The following SLIT3 variants were observed in gnomAD, a reference collection of about 807,000 sequenced individuals.
SLIT3 encodes the protein slit guidance ligand 3, also known as slit homolog 3 protein.
In SLIT3, 68 loss-of-function variants were observed where a neutral mutation model predicts 184.0. The observed-to-expected ratio is 0.37, with a 90% confidence interval of 0.30 to 0.45. The LOEUF (loss-of-function observed/expected upper bound fraction) is 0.45. Among genes scored for constraint, SLIT3 ranks in the 20% least tolerant of loss-of-function variants. The probability of loss-of-function intolerance (pLI) is 1.00; values close to 1 mark genes in which losing one functional copy is unlikely to be tolerated. For missense variants in SLIT3, 1,707 were observed against 2,026.0 expected (o/e 0.84, Z 3.02); for synonymous variants, 831 against 828.6 (o/e 1.00, Z -0.05).
At chr5:169,054,349 G>A (rs1240868355) in intron 4 of SLIT3, among the ~76,000 whole-genome samples, 2 of 152,064 alleles carry the variant, frequency 1.3e-5, no homozygotes, top group African/African-American at 4.8e-5. Context: ...CTTCCCTAGA[G>A]GCTTTGGAGA....
At chr5:168,982,030 A>G (rs528548949) in intron 4 of SLIT3, among the ~76,000 whole-genome samples, 7 of 152,244 alleles carry the variant, frequency 4.6e-5, no homozygotes, top group Non-Finnish European at 1.0e-4. Context: ...TATATATGAT[A>G]TTAACCACCA....
chr5:168,935,883 A>G (rs1211791033), intron 4 of SLIT3, among the ~76,000 whole-genome samples: 15 of 152,240 alleles, frequency 9.9e-5, no homozygotes, highest in Admixed American at 9.8e-4. Context: ...TTGTTTAAAG[A>G]ATATTCTTTC....
chr5:169,206,848 A>C (rs990436070), intron 3 of SLIT3, among the ~76,000 whole-genome samples: 13 of 152,222 alleles, frequency 8.5e-5, no homozygotes, highest in Non-Finnish European at 1.5e-4. Flanking sequence ...ATAACTAATT[A>C]GAATTTTTAT....
chr5:168,717,907 G>A (rs1010805531), intron 23 of SLIT3, among the ~76,000 whole-genome samples: 1 of 152,168 alleles, frequency 6.6e-6, no homozygotes, highest in Non-Finnish European at 1.5e-5. Context: ...TGATCCACCC[G>A]CCTCGGCCTC....
chr5:168,696,215 CCCTGGAGGAAGTT>C, intron 28 of SLIT3, 64 bp downstream of exon 28: 1 of 1,538,794 alleles, frequency 6.5e-7, no homozygotes, highest in Non-Finnish European at 9.0e-7. Context: ...GGAAGAGAGT[CCCTGGAGGAAGTT>C]AAGAAAATGG....
At chr5:169,115,839 C>T (rs1760642244) in intron 4 of SLIT3, among the ~76,000 whole-genome samples, 1 of 152,234 alleles carries the variant, frequency 6.6e-6, no homozygotes, top group South Asian at 2.1e-4. Context: ...CCGATCCTCA[C>T]ACTTGAGCCG....
intron 17 of SLIT3, among the ~76,000 whole-genome samples, chr5:168,753,385 A>T (rs1341491285): frequency 6.6e-6 from 1 of 152,222 alleles, no homozygotes; most frequent in Non-Finnish European, 1.5e-5. Context: ...GTGTGCACAC[A>T]TATTTCTGGG....
intron 21 of SLIT3, 104 bp from the exon 22 acceptor site, chr5:168,723,108 C>T: frequency 4.1e-6 from 3 of 737,126 alleles, no homozygotes; most frequent in Non-Finnish European, 7.4e-6. Flanking sequence ...CTCATCTACC[C>T]ATCCACCCAT....
At chr5:168,839,545 G>A (rs1020458271) in intron 6 of SLIT3, among the ~76,000 whole-genome samples, 7 of 152,172 alleles carry the variant, frequency 4.6e-5, no homozygotes, top group African/African-American at 1.7e-4. Flanking sequence ...ATTTTTAAAT[G>A]TGAAATGCTA....
intron 23 of SLIT3, chr5:168,712,700 A>G (rs567997579): frequency 1.3e-4 from 30 of 230,702 alleles, no homozygotes; most frequent in African/African-American, 6.7e-4. Context: ...AAGAGACCCA[A>G]GGGAGTTACT....
rs767741877 is a variant in SLIT3 at position 168,749,599 on chromosome 5, G to T, written c.2010C>A (p.His670Gln). The change falls in exon 19 of 36, where the codon CAC becomes CAA. Residue 670 changes from histidine to glutamine, a missense_variant. Physicochemically the swap from His to Gln is conservative, Grantham distance 24. Coordinates refer to ENST00000519560, the MANE Select transcript of SLIT3 (RefSeq NM_003062.4). ...TCAACCACTTGCCGAGCCAGGCCAG[G>T]TGGCAGTTGCAGTTGAAGGGGTTGG... is the stretch of plus-strand genomic sequence containing the variant. ...LLSNPFNCNC[H>Q]LAWLGKWLRK... is the part of the protein sequence containing the mutation. The T allele has an allele frequency of 6.2e-7, 1 of 1,614,220 alleles. No homozygotes were observed. Among genetic ancestry groups the T allele is most frequent in the South Asian group, 1.1e-5 (1 of 91,090 alleles).
In SLIT3 at chr5:168,757,853, T is replaced by C. The variant is rs148745039; in HGVS notation, c.1685+3009A>G. Among the ~76,000 whole-genome samples, 543 of 152,330 alleles carry C rather than the reference T, an allele frequency of 3.6e-3. 3 individuals are homozygous for C. The highest frequency in any genetic ancestry group is 0.012 in the African/African-American group (505 of 41,580). On this transcript the variant is annotated intron_variant, in intron 16 of 35. Coordinates refer to ENST00000519560, the MANE Select transcript of SLIT3 (RefSeq NM_003062.4). ...AGCCATGTCTTTCATCTTTATTTCC[T>C]CATATTTCTGATCCACATCATAACT... is the stretch of plus-strand genomic sequence containing the variant.
intron 3 of SLIT3, among the ~76,000 whole-genome samples, chr5:169,215,219 A>ACGTAACT (rs1764396465): frequency 1.3e-5 from 2 of 152,012 alleles, no homozygotes; most frequent in Non-Finnish European, 2.9e-5. Flanking sequence ...TAGTTCTTGA[A>ACGTAACT]CGTAACTCGC....
At chr5:169,034,930 TG>T (rs1757176945) in intron 4 of SLIT3, among the ~76,000 whole-genome samples, 2 of 149,530 alleles carry the variant, frequency 1.3e-5, no homozygotes, top group African/African-American at 5.0e-5. Context: ...TGTGTGTGTG[TG>T]TGTGTGTGTG....
chr5:168,864,067 G>T (rs944460924), intron 5 of SLIT3, among the ~76,000 whole-genome samples: 7 of 151,396 alleles, frequency 4.6e-5, no homozygotes, highest in African/African-American at 1.7e-4. Flanking sequence ...AAAATTAGCT[G>T]GGTGTGGTGG....
intron 4 of SLIT3, among the ~76,000 whole-genome samples, chr5:168,978,235 T>C (rs985550769): frequency 3.9e-5 from 6 of 152,240 alleles, no homozygotes; most frequent in African/African-American, 1.2e-4. Flanking sequence ...GAAGTTTCCA[T>C]GTGCAGACAA....
intron 4 of SLIT3, among the ~76,000 whole-genome samples, chr5:168,919,988 C>A (rs927285891): frequency 6.6e-6 from 1 of 152,120 alleles, no homozygotes; most frequent in African/African-American, 2.4e-5. Flanking sequence ...AGATATAGTA[C>A]TAAGTTATTT....
intron 4 of SLIT3, among the ~76,000 whole-genome samples, chr5:169,092,239 AG>A (rs1201397455): frequency 2.6e-5 from 4 of 152,120 alleles, no homozygotes; most frequent in African/African-American, 7.2e-5. Flanking sequence ...AAAGACTCAG[AG>A]GTAGGCAGGG....
intron 9 of SLIT3, among the ~76,000 whole-genome samples, chr5:168,801,995 C>T (rs1308383584): frequency 6.6e-6 from 1 of 151,928 alleles, no homozygotes; most frequent in Non-Finnish European, 1.5e-5. Flanking sequence ...CAGAGCCCCA[C>T]CCAAGGTTAA....
Sources: gnomAD v4.1 joint callset for allele counts (sites outside exome capture counted in the v4.1 genomes callset) on GRCh38, gnomAD v4.1.1 for gene constraint, MANE v1.5 for transcripts, NCBI Gene and HGNC (gene_info 2026-07-23, HGNC 2026-07-21) for gene names.